The following LIN28B variants were observed in gnomAD, a reference collection of about 807,000 sequenced individuals.
LIN28B encodes the protein lin-28 RNA binding posttranscriptional regulator B.
A neutral mutation model predicts 21.9 loss-of-function variants in LIN28B; 5 were observed. The ratio of observed to expected loss-of-function variants is 0.23; its 90% confidence interval spans 0.12 to 0.48. LIN28B has a LOEUF of 0.48. LIN28B is among the 20% of genes least tolerant of loss of function. LIN28B has a pLI of 0.98. For missense variants in LIN28B, 245 were observed against 310.5 expected, an observed-to-expected ratio of 0.79 and a Z score of 1.58; for synonymous variants, 109 against 111.3, an observed-to-expected ratio of 0.98 and a Z score of 0.13.
At chr6:105,044,613 C>T (rs187764648) in intron 3 of LIN28B, among the ~76,000 whole-genome samples, 2 of 152,050 alleles carry the variant, frequency 1.3e-5, no homozygotes, top group Admixed American at 6.5e-5. Context: ...TAATTATAGC[C>T]GATAAACTAC....
intron 2 of LIN28B, among the ~76,000 whole-genome samples, chr6:105,010,913 A>G (rs914481360): frequency 2.5e-4 from 38 of 152,092 alleles, no homozygotes; most frequent in Admixed American, 2.5e-3. Flanking sequence ...TTTTCCTACT[A>G]TAAGTTAATT....
At chr6:105,054,819 G>T (rs940428337) in intron 3 of LIN28B, among the ~76,000 whole-genome samples, 1 of 150,344 alleles carries the variant, frequency 6.7e-6, no homozygotes, top group African/African-American at 2.4e-5. Flanking sequence ...TTTCCATGTG[G>T]TTACATTTTT....
At chr6:105,047,736 C>T (rs1419845916) in intron 3 of LIN28B, among the ~76,000 whole-genome samples, 1 of 152,140 alleles carries the variant, frequency 6.6e-6, no homozygotes, top group Non-Finnish European at 1.5e-5. Context: ...TCCTTCACAT[C>T]CCTTGTAAGT....
intron 2 of LIN28B, among the ~76,000 whole-genome samples, chr6:104,975,538 T>G (rs1770071975): frequency 6.6e-6 from 1 of 152,236 alleles, no homozygotes; most frequent in African/African-American, 2.4e-5. Flanking sequence ...CTGAGAGAAC[T>G]GTTCAACTAT....
At chr6:104,967,576 CAAAAAAAAAAAAAAAA>C (rs71003462) in intron 2 of LIN28B, among the ~76,000 whole-genome samples, 14 of 60,738 alleles carry the variant, frequency 2.3e-4, no homozygotes, top group Non-Finnish European at 2.6e-4. Context: ...AACTCCCTCT[CAAAAAAAAAAAAAAAA>C]AAAAAAAGAA....
chr6:105,050,566 C>A (rs1173466228), intron 3 of LIN28B, among the ~76,000 whole-genome samples: 7 of 133,172 alleles, frequency 5.3e-5, no homozygotes, highest in African/African-American at 2.0e-4. Context: ...TGCGCCACTG[C>A]AGTCCGCAGT....
intron 3 of LIN28B, among the ~76,000 whole-genome samples, chr6:105,032,887 A>G (rs1582908000): frequency 6.6e-6 from 1 of 151,748 alleles, no homozygotes; most frequent in Admixed American, 6.6e-5. Context: ...TCTTTTGCCC[A>G]TTTTTTACTG....
chr6:104,965,743 T>A (rs569684859), intron 2 of LIN28B, among the ~76,000 whole-genome samples: 1 of 152,322 alleles, frequency 6.6e-6, no homozygotes, highest in East Asian at 1.9e-4. Context: ...ATTTTTGTTA[T>A]GCAGATATTT....
intron 2 of LIN28B, among the ~76,000 whole-genome samples, chr6:105,025,356 T>C (rs1771266725): frequency 2.0e-5 from 3 of 152,168 alleles, no homozygotes; most frequent in African/African-American, 7.2e-5. Flanking sequence ...AACTGGCACA[T>C]TGACTTTGAT....
At chr6:105,025,510 G>A (rs1771269583) in intron 2 of LIN28B, among the ~76,000 whole-genome samples, 1 of 152,078 alleles carries the variant, frequency 6.6e-6, no homozygotes, top group South Asian at 2.1e-4. Context: ...AAGCTCAAAC[G>A]ACGCAGTAAT....
chr6:105,043,289 G>C (rs969594515), intron 3 of LIN28B, among the ~76,000 whole-genome samples: 6 of 128,264 alleles, frequency 4.7e-5, no homozygotes, highest in Non-Finnish European at 7.8e-5. Flanking sequence ...GGGCATAGTG[G>C]CGCACGCCTG....
chr6:104,951,428 G>A lies in LIN28B; in HGVS notation c.67+919G>A, dbSNP rs537270105. Among the ~76,000 whole-genome samples, 156 of 151,996 alleles carry A rather than the reference G, an allele frequency of 1.0e-3. 1 individual carries two copies. The highest frequency in any genetic ancestry group is 0.01 in the Middle Eastern group (3 of 294). ...TTTTTGGAGTGAATCTTGACATAGG[G>A]GTGATACTCTAATATCATGAAAAAG... On this transcript the variant is annotated intron_variant, in intron 3 of 5. Transcript: ENST00000635857.
In LIN28B at chr6:105,068,030, T is replaced by A. The variant is rs533646707; in HGVS notation, c.384-10384T>A. ...TTACCTTCTTGTTTTTATAAGATGATGAAAGGTTTGTGAATAGAGCTATTA... is the reference window on the plus strand; with the variant it reads ...TTACCTTCTTGTTTTTATAAGATGAAGAAAGGTTTGTGAATAGAGCTATTA... On this transcript the variant is annotated intron_variant, in intron 3 of 3. Transcript: ENST00000345080. 9.7e-3 allele frequency among the ~76,000 whole-genome samples: 1,474 copies of A among 152,322 alleles called. 24 individuals are homozygous for A. The highest frequency in any genetic ancestry group is 0.033 in the African/African-American group (1,376 of 41,566).
chr6:105,018,821 A>C (rs557165014), intron 2 of LIN28B, among the ~76,000 whole-genome samples: 15 of 152,148 alleles, frequency 9.9e-5, no homozygotes, highest in Admixed American at 2.0e-4. Context: ...AGTGCTTTTT[A>C]AATTCTCTGG....
intron 2 of LIN28B, among the ~76,000 whole-genome samples, chr6:104,943,284 G>C (rs897658789): frequency 1.3e-5 from 2 of 151,900 alleles, no homozygotes; most frequent in African/African-American, 4.8e-5. Flanking sequence ...GATAATGCTT[G>C]GTATCTGATC....
chr6:105,017,617 T>G (rs988414518), intron 2 of LIN28B, among the ~76,000 whole-genome samples: 1 of 152,156 alleles, frequency 6.6e-6, no homozygotes, highest in Non-Finnish European at 1.5e-5. Context: ...GAGCCCATTA[T>G]TCTAAGCAAA....
chr6:105,063,501 T>C (rs1392521605), intron 3 of LIN28B, among the ~76,000 whole-genome samples: 3 of 151,928 alleles, frequency 2.0e-5, no homozygotes, highest in Non-Finnish European at 4.4e-5. Context: ...CTGGGCATGG[T>C]GGCGCATGCC....
intron 2 of LIN28B, among the ~76,000 whole-genome samples, chr6:104,964,464 T>A (rs1369481910): frequency 6.6e-6 from 1 of 152,256 alleles, no homozygotes; most frequent in Non-Finnish European, 1.5e-5. Context: ...GGATATTTTA[T>A]CATTATCAAA....
intron 2 of LIN28B, among the ~76,000 whole-genome samples, chr6:105,018,723 TC>T (rs952739900): frequency 3.9e-5 from 6 of 152,164 alleles, no homozygotes; most frequent in African/African-American, 1.4e-4. Context: ...CTTCCTTTCT[TC>T]CTTCCTCACC....
Sources: allele counts gnomAD v4.1 joint callset (sites outside exome capture counted in the v4.1 genomes callset), GRCh38; gene constraint gnomAD v4.1.1; transcripts MANE v1.5; gene names NCBI Gene and HGNC (gene_info 2026-07-23, HGNC 2026-07-21).